The following POLH variants were observed in gnomAD, a reference collection of about 807,000 sequenced individuals.
POLH encodes the protein DNA polymerase eta.
Under a neutral mutation model 73.6 loss-of-function variants are expected in POLH, and 53 were observed. The observed-to-expected ratio is 0.72, with a 90% CI of 0.58 to 0.91. The LOEUF (loss-of-function observed/expected upper bound fraction) is 0.91, where lower values mean the gene tolerates loss of function less well. Among genes scored for constraint, POLH ranks in the 40% least tolerant of loss-of-function variants. POLH has a pLI of 0.00. For synonymous variants in POLH, 292 were observed against 308.5 expected, an observed-to-expected ratio of 0.95 and a Z score of 0.56; for missense variants, 768 against 865.4, an observed-to-expected ratio of 0.89 and a Z score of 1.41.
In POLH at chr6:43,589,637, C is replaced by CT. The variant is rs1023985234; in HGVS notation, c.490+2162dup. On this transcript the variant is annotated intron_variant, in intron 4 of 10. Coordinates refer to ENST00000372236, the MANE Select transcript of POLH (RefSeq NM_006502.3). ...CCTATCCTAATTATTAGTTCCTTGT[C>CT]TTTTTTTTTTTTTTGAGATGGAAGT... Among the ~76,000 whole-genome samples, 991 of 139,954 alleles carry CT rather than the reference C, an allele frequency of 7.1e-3. 6 individuals carry two copies. The highest frequency in any genetic ancestry group is 0.02 in the African/African-American group (760 of 38,494). The allele number at this position is 139,954 out of a possible 152,430, so 91.8% of individuals were successfully genotyped here. A position where few individuals can be genotyped will look rare whatever the true frequency, so the allele number is the denominator to read the frequency against.
rs1486257401 is a variant in POLH, at chr6:43,613,792, A to G, written c.1377A>G (p.Ser459=). ...SSLPKVPVTS[S]EAKTQGSGPA... ...TGCCAAAGGTGCCAGTTACCAGCTC[A>G]GAAGCTAAGACCCAGGGAAGTGGCC... Residue 459 remains serine, a synonymous_variant, in exon 11 of 11, where the codon TCA becomes TCG. Transcript: ENST00000372236. 6.2e-7 allele frequency: 1 copy of G among 1,614,084 alleles called. No individual in the cohort carries two copies. The highest frequency in any genetic ancestry group is 8.5e-7 in the Non-Finnish European group (1 of 1,179,992).
chr6:43,601,350 C>T (rs1472040998), intron 6 of POLH, among the ~76,000 whole-genome samples: 1 of 152,138 alleles, frequency 6.6e-6, no homozygotes, highest in Non-Finnish European at 1.5e-5. Flanking sequence ...CCTGCAACCT[C>T]CACCTCCCAG....
chr6:43,614,365 C>T lies in POLH; in HGVS notation c.1950C>T (p.His650=). Residue 650 remains histidine (H), a synonymous_variant, in exon 11 of 11, where the codon CAC becomes CAT. Transcript: ENST00000372236. ...TACCGGTATGGGATATGCCAGAACA[C>T]ATGGACTATCATTTTGCATTGGAGT... ...SLVPVWDMPE[H]MDYHFALELQ... is the part of the protein sequence containing the mutation. 1 of 1,613,846 alleles carries T rather than the reference C, an allele frequency of 6.2e-7. No homozygotes were observed. Among genetic ancestry groups the T allele is most frequent in the South Asian group, 1.1e-5 (1 of 91,082 alleles).
chr6:43,608,983 C>CTT (rs1767595334), intron 9 of POLH, among the ~76,000 whole-genome samples: 1 of 152,214 alleles, frequency 6.6e-6, no homozygotes, highest in African/African-American at 2.4e-5. Context: ...ATCTAACACA[C>CTT]TAAGTAAGCT....
rs1046605548 is a variant in POLH, at chr6:43,577,860, G to A, written c.-5+1420G>A. 2.0e-5 allele frequency among the ~76,000 whole-genome samples: 3 copies of A among 151,900 alleles called. No individual in the cohort carries two copies. The East Asian group carries it at 5.8e-4, about 29-fold the overall frequency. ...AGCACTTTGGGAGGCCGAGGCGGGC[G>A]GATCACGAGGTCAGGAGATCGAGAC... On this transcript the variant is annotated intron_variant, in intron 1 of 10. Coordinates refer to ENST00000372236, the MANE Select transcript of POLH (RefSeq NM_006502.3).
rs551944293 is a variant in POLH at position 43,610,626 on chromosome 6, C to T, written c.1147C>T (p.Arg383Cys). Residue 383 changes from arginine to cysteine, a missense_variant, in exon 10 of 11, where the codon CGC (arginine) becomes TGC (cysteine). By Grantham distance (180) the Arg-to-Cys change is radical. Transcript: ENST00000372236. The part of the protein sequence containing the change: ...QGDKRLSSLR[R>C]CCALTRYDAH... ...AGACAAACGCCTCAGCAGCCTGCGC[C>T]GCTGCTGTGCCCTTACCCGCTATGA... The T allele has an allele frequency of 6.2e-6, 10 of 1,612,134 alleles. No homozygotes were observed. The highest frequency in any genetic ancestry group is 3.3e-5 in the South Asian group (3 of 91,034).
At chr6:43,600,158 CAAA>C (rs138043805) in intron 5 of POLH, among the ~76,000 whole-genome samples, 1 of 135,078 alleles carries the variant, frequency 7.4e-6, no homozygotes. Flanking sequence ...AACTCTGTCT[CAAA>C]AAAAAAAAAA....
At chr6:43,595,998 C>T (rs1003582807) in intron 4 of POLH, among the ~76,000 whole-genome samples, 11 of 151,830 alleles carry the variant, frequency 7.2e-5, no homozygotes, top group African/African-American at 9.7e-5. Context: ...ACCTGGATGA[C>T]GGAGTGTGAC....
intron 1 of POLH, among the ~76,000 whole-genome samples, chr6:43,577,812 C>T (rs558918464): frequency 4.6e-5 from 7 of 152,084 alleles, no homozygotes; most frequent in Non-Finnish European, 7.3e-5. Context: ...CGGCCTGGCG[C>T]GGTGGCACAC....
intron 5 of POLH, among the ~76,000 whole-genome samples, chr6:43,599,053 A>C (rs1190587325): frequency 6.8e-6 from 1 of 147,870 alleles, no homozygotes; most frequent in Non-Finnish European, 1.5e-5. Flanking sequence ...CAGTGGCCCA[A>C]TCTCAGCTCA....
chr6:43,583,065 G>A lies in POLH; in HGVS notation c.196G>A (p.Asp66Asn). 1 of 1,613,630 alleles carries A rather than the reference G, an allele frequency of 6.2e-7. No individual in the cohort carries two copies. The highest frequency in any genetic ancestry group is 8.5e-7 in the Non-Finnish European group (1 of 1,179,566). ...TGGAGTCACTAGAAGTATGTGGGCAGATGATGCTAAGAAGTTATGTCCAGA... is the reference window on the plus strand; with the variant it reads ...TGGAGTCACTAGAAGTATGTGGGCAAATGATGCTAAGAAGTTATGTCCAGA... ...AFGVTRSMWA[D>N]DAKKLCPDLL... is the part of the protein sequence containing the mutation. Residue 66 changes from aspartate (D) to asparagine (N), a missense_variant, in exon 3 of 11, where the codon GAT becomes AAT. By Grantham distance (23) the Asp-to-Asn change is conservative. Coordinates refer to ENST00000372236, the MANE Select transcript of POLH (RefSeq NM_006502.3).
At chr6:43,581,847 C>A (rs1212240703) in intron 1 of POLH, among the ~76,000 whole-genome samples, 1 of 151,188 alleles carries the variant, frequency 6.6e-6, no homozygotes, top group South Asian at 2.1e-4. Flanking sequence ...CCTAAGCCAC[C>A]GACCCCAGCC....
intron 4 of POLH, among the ~76,000 whole-genome samples, chr6:43,593,512 A>C (rs1417446741): frequency 3.3e-5 from 5 of 152,212 alleles, no homozygotes; most frequent in Non-Finnish European, 1.5e-5. Flanking sequence ...AAAGTATACA[A>C]GTAGATCCCC....
chr6:43,579,651 G>GT (rs1763784924), intron 1 of POLH, among the ~76,000 whole-genome samples: 1 of 152,184 alleles, frequency 6.6e-6, no homozygotes, highest in African/African-American at 2.4e-5. Flanking sequence ...TATCCAGTCA[G>GT]TTAGAAGCAC....
Position 43,616,763 on chromosome 6 carries a change from C to G in POLH, c.*2206C>G, listed in dbSNP as rs1380491320. 1.3e-5 allele frequency among the ~76,000 whole-genome samples: 2 copies of G among 152,166 alleles called. No homozygotes were observed. The highest frequency in any genetic ancestry group is 2.9e-5 in the Non-Finnish European group (2 of 68,032). ...CTGTACATAAAAGTGACTTAATAAACAGTGAATTTCATACAGGTAAACCCT... is the reference window on the plus strand; with the variant it reads ...CTGTACATAAAAGTGACTTAATAAAGAGTGAATTTCATACAGGTAAACCCT... On this transcript the variant is annotated 3_prime_UTR_variant, in exon 11 of 11. Transcript: ENST00000372236.
chr6:43,585,905 A>G (rs1215628972), intron 3 of POLH, among the ~76,000 whole-genome samples: 1 of 151,268 alleles, frequency 6.6e-6, no homozygotes, highest in Non-Finnish European at 1.5e-5. Context: ...CTGCCTCCCA[A>G]AGTGCTGGGA....
At chr6:43,595,379 C>G (rs9333536) in intron 4 of POLH, among the ~76,000 whole-genome samples, 1 of 151,942 alleles carries the variant, frequency 6.6e-6, no homozygotes, top group African/African-American at 2.4e-5. Context: ...TTGTGATCTG[C>G]CTGCCTTGGC....
chr6:43,586,138 C>G (rs1764799426), intron 3 of POLH, among the ~76,000 whole-genome samples: 1 of 152,100 alleles, frequency 6.6e-6, no homozygotes, highest in Non-Finnish European at 1.5e-5. Flanking sequence ...TCAATAGGAA[C>G]AAAGAACTGG....
At chr6:43,581,847 C>G (rs1212240703) in intron 1 of POLH, among the ~76,000 whole-genome samples, 1 of 151,188 alleles carries the variant, frequency 6.6e-6, no homozygotes, top group East Asian at 1.9e-4. Flanking sequence ...CCTAAGCCAC[C>G]GACCCCAGCC....
Sources: gnomAD v4.1 joint callset for allele counts (sites outside exome capture counted in the v4.1 genomes callset) on GRCh38, gnomAD v4.1.1 for gene constraint, MANE v1.5 for transcripts, NCBI Gene and HGNC (gene_info 2026-07-23, HGNC 2026-07-21) for gene names.